Variants in TGFB1 observed in about 807,000 individuals in gnomAD.
TGFB1 encodes transforming growth factor beta 1, also known as transforming growth factor beta-1 proprotein.
TGFB1 carries 19 observed loss-of-function variants against 43.8 expected under a neutral mutation model. The observed-to-expected ratio is 0.43, with a 90% CI of 0.30 to 0.64. The LOEUF (loss-of-function observed/expected upper bound fraction) is 0.64. Ranked by LOEUF, TGFB1 falls within the 30% of genes least tolerant of loss-of-function variation. TGFB1 has a pLI of 0.11. For synonymous variants in TGFB1, 221 were observed against 236.3 expected (o/e 0.94, Z 0.60); for missense variants, 445 against 529.8 (o/e 0.84, Z 1.57).
chr19:41,348,549 C>G, intron 1 of TGFB1, 94 bp from the exon 2 acceptor site: 1 of 1,193,444 alleles, frequency 8.4e-7, no homozygotes, highest in African/African-American at 1.5e-5. Context: ...GCTGACAGCT[C>G]TGGGGTGGAG....
chr19:41,337,393 G>A (rs2037999509), intron 5 of TGFB1, among the ~76,000 whole-genome samples: 1 of 151,926 alleles, frequency 6.6e-6, no homozygotes, highest in African/African-American at 2.4e-5. Flanking sequence ...CACCCACCTT[G>A]GCCTCCCAAA....
chr19:41,341,408 A>C (rs1401699054), intron 5 of TGFB1, among the ~76,000 whole-genome samples: 1 of 144,220 alleles, frequency 6.9e-6, no homozygotes, highest in Admixed American at 7.4e-5. Flanking sequence ...TGGAGCTTGC[A>C]GTGAATCAAG....
chr19:41,339,920 AG>A (rs1445699834), intron 5 of TGFB1, among the ~76,000 whole-genome samples: 2 of 151,696 alleles, frequency 1.3e-5, no homozygotes, highest in Non-Finnish European at 2.9e-5. Context: ...ATTTTCTGGC[AG>A]GGAAACAGCC....
chr19:41,352,024 T>A lies in TGFB1; in HGVS notation c.355+666A>T, dbSNP rs532448801. ...GCGCCCTCCCGAGTCTCCGCTCCTC[T>A]CCCGCTTGCCTCCTCCTTCCAATAA... On this transcript the variant is annotated intron_variant, in intron 1 of 6. Transcript: ENST00000221930. 1.6e-4 allele frequency among the ~76,000 whole-genome samples: 24 copies of A among 151,868 alleles called. 1 individual carries two copies. The South Asian group carries it at 4.8e-3, about 30-fold the overall frequency.
At position 41,348,206 on chromosome 19, in the gene TGFB1, T is replaced by C. The variant is rs911275720; in HGVS notation, c.516+89A>G. On this transcript the variant is annotated intron_variant, in intron 2 of 6. Coordinates refer to ENST00000221930, the MANE Select transcript of TGFB1 (RefSeq NM_000660.7). ...CTTCAGGGACCATCTAGGTGGACCT[T>C]GTAACCAGCCGACCCACAGCCACCC... The C allele has an allele frequency of 2.7e-5, 41 of 1,516,506 alleles. No individual in the cohort carries two copies. The South Asian group carries it at 3.8e-4, about 14-fold the overall frequency. 93.9% of individuals were successfully genotyped at this position (1,516,506 alleles called of 1,614,324 possible).
intron 2 of TGFB1, among the ~76,000 whole-genome samples, chr19:41,347,987 C>G (rs1470851031): frequency 6.6e-6 from 1 of 151,514 alleles, no homozygotes; most frequent in Non-Finnish European, 1.5e-5. Flanking sequence ...CAAAAATTAG[C>G]TGGGCGTGGT....
intron 2 of TGFB1, among the ~76,000 whole-genome samples, chr19:41,345,421 C>T (rs894791743): frequency 6.6e-6 from 1 of 151,798 alleles, no homozygotes; most frequent in African/African-American, 2.4e-5. Flanking sequence ...TGCTTGAGCC[C>T]GGGAGACACA....
chr19:41,341,423 C>T (rs1455633833), intron 5 of TGFB1, among the ~76,000 whole-genome samples: 4 of 133,980 alleles, frequency 3.0e-5, no homozygotes, highest in African/African-American at 5.5e-5. Flanking sequence ...ATCAAGATAG[C>T]GCCACTGCAC....
At chr19:41,331,964 C>T in intron 6 of TGFB1, 164 bp downstream of exon 6, 1 of 974,888 alleles carries the variant, frequency 1.0e-6, no homozygotes, top group Non-Finnish European at 1.5e-6. Flanking sequence ...CTCTAGCTTC[C>T]TGCCTCTCTC....
intron 5 of TGFB1, among the ~76,000 whole-genome samples, chr19:41,340,251 CTTTTTTT>C (rs3061188): frequency 3.5e-4 from 44 of 125,204 alleles, no homozygotes; most frequent in East Asian, 4.4e-4. Context: ...CACTTTCTTT[CTTTTTTT>C]TTTTTTTTTT....
chr19:41,332,222 C>A lies in TGFB1; in HGVS notation c.920G>T (p.Gly307Val). The A allele has an allele frequency of 6.2e-7, 1 of 1,614,176 alleles. No individual in the cohort carries two copies. The highest frequency in any genetic ancestry group is 2.2e-5 in the East Asian group (1 of 44,886). ...CTTGGGCTCGTGGATCCACTTCCAG[C>A]CGAGGTCCTTGCGGAAGTCAATGTA... ...QLYIDFRKDL[G>V]WKWIHEPKGY... Residue 307 changes from glycine to valine, a missense_variant, in exon 6 of 7, where the codon GGC becomes GTC. Transcript: ENST00000221930.
At chr19:41,337,263 T>A (rs930176664) in intron 5 of TGFB1, among the ~76,000 whole-genome samples, 13 of 152,166 alleles carry the variant, frequency 8.5e-5, no homozygotes, top group African/African-American at 3.1e-4. Context: ...TGCCTCAGCC[T>A]CAAGAGTAGC....
chr19:41,338,420 C>T (rs373162793), intron 5 of TGFB1, among the ~76,000 whole-genome samples: 3 of 149,748 alleles, frequency 2.0e-5, no homozygotes, highest in Admixed American at 6.7e-5. Flanking sequence ...CTTGAACCCC[C>T]GGGAGGTGGA....
intron 2 of TGFB1, 116 bp from the exon 3 acceptor site, chr19:41,344,980 C>T: frequency 1.1e-6 from 1 of 944,720 alleles, no homozygotes; most frequent in East Asian, 2.7e-5. Flanking sequence ...AGAAAGTTCC[C>T]AGGCACTACC....
chr19:41,333,243 C>T (rs1235508422), intron 5 of TGFB1, among the ~76,000 whole-genome samples: 6 of 124,104 alleles, frequency 4.8e-5, no homozygotes, highest in Non-Finnish European at 8.0e-5. Context: ...GACAGAGTCT[C>T]ACTCTGTCTG....
At chr19:41,332,041 T>A (rs2037937691) in intron 6 of TGFB1, 87 bp downstream of exon 6, 5 of 1,372,828 alleles carry the variant, frequency 3.6e-6, no homozygotes, top group Middle Eastern at 1.9e-4. Flanking sequence ...CCAACTCACC[T>A]CTCTGACTTT....
At chr19:41,337,584 G>C (rs1032708190) in intron 5 of TGFB1, among the ~76,000 whole-genome samples, 1 of 151,978 alleles carries the variant, frequency 6.6e-6, no homozygotes, top group Non-Finnish European at 1.5e-5. Context: ...GCCTCTCTTA[G>C]GACTTTTTTC....
At chr19:41,333,435 G>A (rs1327441586) in intron 5 of TGFB1, among the ~76,000 whole-genome samples, 3 of 151,838 alleles carry the variant, frequency 2.0e-5, no homozygotes, top group East Asian at 1.9e-4. Flanking sequence ...GGCTGGTCTC[G>A]AACTCCTGAC....
At chr19:41,347,728 T>TGA (rs944056275) in intron 2 of TGFB1, among the ~76,000 whole-genome samples, 1 of 148,866 alleles carries the variant, frequency 6.7e-6, no homozygotes, top group African/African-American at 2.5e-5. Context: ...CTCGGGTGGC[T>TGA]GAGGCAGGAG....
Sources: allele counts gnomAD v4.1 joint callset (sites outside exome capture counted in the v4.1 genomes callset), GRCh38; gene constraint gnomAD v4.1.1; transcripts MANE v1.5; gene names NCBI Gene and HGNC (gene_info 2026-07-23, HGNC 2026-07-21).